WIPF1: variants seen among roughly 807,000 people sequenced by gnomAD.
WIPF1 encodes the protein WAS/WASL interacting protein family member 1, also known as WAS/WASL-interacting protein family member 1.
A neutral mutation model predicts 35.4 loss-of-function variants in WIPF1; 13 were observed. That is an observed-to-expected ratio of 0.37 (90% confidence interval 0.24 to 0.58). WIPF1 has a LOEUF of 0.58. Ranked by LOEUF, WIPF1 falls within the 20% of genes least tolerant of loss-of-function variation. The probability of loss-of-function intolerance (pLI) is 0.74; values close to 1 mark genes in which losing one functional copy is unlikely to be tolerated. For missense variants in WIPF1, 591 were observed against 667.0 expected (o/e 0.89, Z 1.25); for synonymous variants, 267 against 266.3 (o/e 1.00, Z -0.02).
chr2:174,599,884 T>C (rs2105878652), upstream of WIPF1, among the ~76,000 whole-genome samples: 1 of 151,064 alleles, frequency 6.6e-6, no homozygotes, highest in Middle Eastern at 3.4e-3. Flanking sequence ...CTTAGGGGAG[T>C]GGTCCCTAAC....
At chr2:174,565,045 G>A (rs1276158637) in intron 7 of WIPF1, among the ~76,000 whole-genome samples, 2 of 151,724 alleles carry the variant, frequency 1.3e-5, no homozygotes, top group South Asian at 2.1e-4. Flanking sequence ...ACACGCATGC[G>A]CCCCTATGCC....
intron 4 of WIPF1, chr2:174,574,981 C>G (rs1483142840): frequency 3.9e-6 from 3 of 770,738 alleles, no homozygotes; most frequent in Non-Finnish European, 7.0e-6. Flanking sequence ...CAGGTTACCC[C>G]CAAAGACACT....
upstream of WIPF1, among the ~76,000 whole-genome samples, chr2:174,602,623 A>G (rs1686044597): frequency 6.6e-6 from 1 of 152,244 alleles, no homozygotes; most frequent in African/African-American, 2.4e-5. Flanking sequence ...GAATTATTTG[A>G]TTTAAAAGAG....
chr2:174,590,235 T>C lies in WIPF1; in HGVS notation c.-38-4624A>G, dbSNP rs1283336470. ...GGCAGATTCAGATGGGAATTTGTTT[T>C]TCCCATCTGTTAAATGGGAAGTTGC... On this transcript the variant is annotated intron_variant, in intron 1 of 7. Coordinates refer to ENST00000679041, the MANE Select transcript of WIPF1 (RefSeq NM_001375834.1). The surrounding 1 kb of genome is among the most constrained non-coding windows in gnomAD (Gnocchi z 4.6). 6.6e-6 allele frequency among the ~76,000 whole-genome samples: 1 copy of C among 152,212 alleles called. No individual in the cohort carries two copies. Among genetic ancestry groups the C allele is most frequent in the Non-Finnish European group, 1.5e-5 (1 of 68,036 alleles).
intron 1 of WIPF1, among the ~76,000 whole-genome samples, chr2:174,614,276 C>T (rs1373195217): frequency 6.6e-6 from 1 of 152,208 alleles, no homozygotes; most frequent in African/African-American, 2.4e-5. Flanking sequence ...TCCAAATCCT[C>T]CACTGCAGAG....
intron 1 of WIPF1, among the ~76,000 whole-genome samples, chr2:174,604,726 T>C (rs922034151): frequency 5.3e-5 from 8 of 152,214 alleles, no homozygotes; most frequent in Non-Finnish European, 1.2e-4. Context: ...ATTGTGATTT[T>C]GGGGATTTTA....
At chr2:174,573,737 C>A (rs1209372740) in intron 4 of WIPF1, among the ~76,000 whole-genome samples, 1 of 152,072 alleles carries the variant, frequency 6.6e-6, no homozygotes, top group Non-Finnish European at 1.5e-5. Context: ...TGGGAGAGAT[C>A]CATGGGAAGT....
intron 1 of WIPF1, among the ~76,000 whole-genome samples, chr2:174,651,449 T>C (rs1224387705): frequency 1.3e-5 from 2 of 152,196 alleles, no homozygotes; most frequent in Admixed American, 6.5e-5. Context: ...TGAAAAACAA[T>C]AGTAACATAC....
chr2:174,595,123 T>TATATATAA (rs1476671421), intron 1 of WIPF1, among the ~76,000 whole-genome samples: 1 of 66,578 alleles, frequency 1.5e-5, no homozygotes, highest in Non-Finnish European at 2.7e-5. Context: ...TATATATATA[T>TATATATAA]ATATATATAT....
chr2:174,628,003 T>C (rs1308489779), intron 1 of WIPF1, among the ~76,000 whole-genome samples: 1 of 152,074 alleles, frequency 6.6e-6, no homozygotes, highest in African/African-American at 2.4e-5. Flanking sequence ...AAGAGTGGCA[T>C]TCTTGGGGAG....
chr2:174,658,457 G>T (rs1014215099), intron 1 of WIPF1, among the ~76,000 whole-genome samples: 5 of 152,182 alleles, frequency 3.3e-5, no homozygotes, highest in African/African-American at 9.7e-5. Context: ...CTGGAATTCA[G>T]CAGGGCAAGG....
intron 1 of WIPF1, among the ~76,000 whole-genome samples, chr2:174,650,177 C>T (rs1043379928): frequency 2.0e-5 from 3 of 152,114 alleles, no homozygotes; most frequent in Non-Finnish European, 4.4e-5. Flanking sequence ...CAGCTGTGCC[C>T]CCTTACTCTA....
At chr2:174,672,523 C>T (rs1230528724) in intron 1 of WIPF1, among the ~76,000 whole-genome samples, 2 of 152,230 alleles carry the variant, frequency 1.3e-5, no homozygotes, top group Non-Finnish European at 2.9e-5. Flanking sequence ...TATACATACA[C>T]TATTTTAGCT....
chr2:174,584,745 A>AAAAATTAGC lies in WIPF1; in HGVS notation c.51+777_51+778insGCTAATTTT, dbSNP rs1428768356. On this transcript the variant is annotated intron_variant, in intron 2 of 7. Transcript: ENST00000679041. ...TGGCCAACATGGTGAAACCCCGTCC[A>AAAAATTAGC]TACTAAAAATACAAAAATTAGCTGG... Among the ~76,000 whole-genome samples the AAAAATTAGC allele has an allele frequency of 6.3e-3, 954 of 152,168 alleles. 12 individuals carry two copies. The highest frequency in any genetic ancestry group is 0.022 in the African/African-American group (920 of 41,512).
chr2:174,585,969 A>C lies in WIPF1; in HGVS notation c.-38-358T>G, dbSNP rs550206204. Among the ~76,000 whole-genome samples, 28 of 152,308 alleles carry C rather than the reference A, an allele frequency of 1.8e-4. No individual in the cohort carries two copies. In the South Asian group the frequency reaches 5.6e-3, roughly 30 times the overall value. On this transcript the variant is annotated intron_variant, in intron 1 of 7. Transcript: ENST00000679041. Reference sequence around the variant, plus strand: ...TTTCACTGAAAACAAATTCACTTCAAGTGGCTTCTCCTCTTCGCTAATTTC... The same window carrying C: ...TTTCACTGAAAACAAATTCACTTCACGTGGCTTCTCCTCTTCGCTAATTTC...
chr2:174,639,927 C>T (rs1260066604), intron 1 of WIPF1, among the ~76,000 whole-genome samples: 4 of 151,972 alleles, frequency 2.6e-5, no homozygotes, highest in Non-Finnish European at 4.4e-5. Flanking sequence ...TCTGCATGTC[C>T]TATCTAAAGC....
In WIPF1 at chr2:174,590,742, C is replaced by G. The variant is rs1282372679; in HGVS notation, c.-38-5131G>C. Among the ~76,000 whole-genome samples, 1 of 152,118 alleles carries G rather than the reference C, an allele frequency of 6.6e-6. No homozygotes were observed. Among genetic ancestry groups the G allele is most frequent in the East Asian group, 1.9e-4 (1 of 5,192 alleles). On this transcript the variant is annotated intron_variant, in intron 1 of 7. Transcript: ENST00000679041. This position sits in a 1 kb window ranked among gnomAD's most constrained non-coding sequence, Gnocchi z 4.6. ...CCTTGCCCTCCTACCCCACCCCAAC[C>G]CAAGCAATGAACTTTTAAGAAGTCA...
chr2:174,676,236 A>ATAATAAT (rs898294769), intron 1 of WIPF1: 3 of 150,260 alleles, frequency 2.0e-5, no homozygotes, highest in African/African-American at 7.4e-5. Flanking sequence ...TAAGAAACAT[A>ATAATAAT]TAATAATTGT....
intron 1 of WIPF1, among the ~76,000 whole-genome samples, chr2:174,611,521 G>A (rs9653294): frequency 0.32 from 48,647 of 152,016 alleles, 8,251 homozygotes; most frequent in Middle Eastern, 0.43. Context: ...GAGGAGGAGG[G>A]AGGGTCGTCC....
Sources: allele counts gnomAD v4.1 joint callset (sites outside exome capture counted in the v4.1 genomes callset), GRCh38; gene constraint gnomAD v4.1.1; non-coding constraint Gnocchi (gnomAD v3.1); transcripts MANE v1.5; gene names NCBI Gene and HGNC (gene_info 2026-07-23, HGNC 2026-07-21).